The following MICAL2 variants were observed in gnomAD, a reference collection of about 807,000 sequenced individuals.
The protein encoded by MICAL2 is [F-actin]-monooxygenase MICAL2.
MICAL2 carries 77 observed loss-of-function variants against 127.3 expected under a neutral mutation model. The observed-to-expected ratio is 0.60, with a 90% CI of 0.50 to 0.73. The LOEUF is 0.73. Ranked by LOEUF, MICAL2 falls within the 30% of genes least tolerant of loss-of-function variation. The pLI is 0.00. For missense variants in MICAL2, 1,351 were observed against 1,434.4 expected, an observed-to-expected ratio of 0.94 and a Z score of 0.94; for synonymous variants, 570 against 551.1, an observed-to-expected ratio of 1.03 and a Z score of -0.48.
At chr11:12,258,325 C>T (rs924192832) in intron 24 of MICAL2, 143 bp from the exon 25 acceptor site, 15 of 648,122 alleles carry the variant, frequency 2.3e-5, no homozygotes, top group African/African-American at 1.6e-4. Flanking sequence ...TGACAGAAGC[C>T]GTTTCCCAAG....
intron 13 of MICAL2, chr11:12,225,873 A>T: frequency 2.5e-6 from 1 of 393,468 alleles, no homozygotes; most frequent in Admixed American, 4.0e-5. Context: ...AAAGTAAGGG[A>T]TATATTTAAA....
chr11:12,210,246 T>C (rs1444125825), intron 6 of MICAL2, among the ~76,000 whole-genome samples: 1 of 152,104 alleles, frequency 6.6e-6, no homozygotes, highest in Admixed American at 6.5e-5. Flanking sequence ...TGCCAGAAAA[T>C]GCTTCCGTCC....
chr11:12,255,502 T>C lies in MICAL2; in HGVS notation c.2848-141T>C, dbSNP rs566870349. 5.9e-5 allele frequency: 40 copies of C among 679,166 alleles called. No homozygotes were observed. In the East Asian group the frequency reaches 1.1e-3, roughly 19 times the overall value. 42.1% of individuals were successfully genotyped at this position (679,166 alleles called of 1,614,324 possible). A position where few individuals can be genotyped will look rare whatever the true frequency, so the allele number is the denominator to read the frequency against. ...ATCCCCGCGTTCTGCTCCTGGCTGG[T>C]TTTGCTTCTCCTGGGTCGTGGGGTG... On this transcript the variant is annotated intron_variant, in intron 22 of 27. Transcript: ENST00000683283.
downstream of MICAL2, chr11:12,292,137 T>A (rs1257627984): frequency 1.9e-6 from 3 of 1,612,978 alleles, no homozygotes; most frequent in South Asian, 3.3e-5. Flanking sequence ...GTTCTTTCCT[T>A]GGTAGGTTTG....
chr11:12,212,729 T>C lies in MICAL2; in HGVS notation c.692-526T>C, dbSNP rs112953609. Among the ~76,000 whole-genome samples, 312 of 139,736 alleles carry C rather than the reference T, an allele frequency of 2.2e-3. 2 individuals carry two copies. Among genetic ancestry groups the C allele is most frequent in the African/African-American group, 8.4e-3 (296 of 35,290 alleles). 91.7% of individuals were successfully genotyped at this position (139,736 alleles called of 152,430 possible). A position where few individuals can be genotyped will look rare whatever the true frequency, so the allele number is the denominator to read the frequency against. The stretch of plus-strand genomic sequence containing the variant: ...CATACTGAGGTACTGGGGTTAGGAT[T>C]TCAACACATGAATTTGTGTGTGTGT... On this transcript the variant is annotated intron_variant, in intron 6 of 27. Transcript: ENST00000683283.
chr11:12,265,397 T>C (rs1468636301), downstream of MICAL2, among the ~76,000 whole-genome samples: 2 of 152,224 alleles, frequency 1.3e-5, no homozygotes, highest in East Asian at 3.8e-4. Context: ...TAATTAAATA[T>C]TAAATGGAAT....
intron 3 of MICAL2, among the ~76,000 whole-genome samples, chr11:12,182,751 G>T (rs768151986): frequency 2.0e-5 from 3 of 152,146 alleles, no homozygotes; most frequent in Non-Finnish European, 2.9e-5. Context: ...GCAGTGAGAC[G>T]TTCAGACCCT....
intron 2 of MICAL2, among the ~76,000 whole-genome samples, chr11:12,283,982 T>C (rs1333571897): frequency 2.0e-5 from 3 of 152,198 alleles, no homozygotes; most frequent in Non-Finnish European, 4.4e-5. Context: ...GTGCCAAGTG[T>C]GTGCATTCTG....
chr11:12,123,192 T>C (rs551971361), intron 1 of MICAL2, among the ~76,000 whole-genome samples: 1 of 152,368 alleles, frequency 6.6e-6, no homozygotes, highest in African/African-American at 2.4e-5. Context: ...TTCTGAATTT[T>C]TTAAGATTTT....
chr11:12,342,489 G>T (rs1044329228), intron 32 of MICAL2, among the ~76,000 whole-genome samples: 6 of 152,332 alleles, frequency 3.9e-5, no homozygotes, highest in African/African-American at 1.2e-4. Context: ...CAAGGCAGGG[G>T]TTATACTCTA....
At chr11:12,133,293 G>C (rs1851571910) in intron 1 of MICAL2, among the ~76,000 whole-genome samples, 1 of 152,074 alleles carries the variant, frequency 6.6e-6, no homozygotes, top group African/African-American at 2.4e-5. Flanking sequence ...TGTTGGTCAG[G>C]CTGGTCTTGA....
intron 1 of MICAL2, among the ~76,000 whole-genome samples, chr11:12,127,467 A>AG (rs1851036410): frequency 6.6e-6 from 1 of 152,200 alleles, no homozygotes; most frequent in Non-Finnish European, 1.5e-5. Flanking sequence ...AATGCGTGGG[A>AG]GGCCAGGTGA....
intron 26 of MICAL2, chr11:12,261,415 C>G: frequency 1.0e-6 from 1 of 985,472 alleles, no homozygotes; most frequent in Non-Finnish European, 1.2e-6. Context: ...TGCAGGTCCA[C>G]CTGTGTTCTT....
chr11:12,335,550 T>C (rs1290974361), intron 32 of MICAL2, among the ~76,000 whole-genome samples: 1 of 152,132 alleles, frequency 6.6e-6, no homozygotes, highest in Non-Finnish European at 1.5e-5. Context: ...CTGAATAGTA[T>C]TGCCTAGGTT....
At chr11:12,171,233 A>G (rs2133876963) in intron 3 of MICAL2, among the ~76,000 whole-genome samples, 1 of 152,290 alleles carries the variant, frequency 6.6e-6, no homozygotes, top group Admixed American at 6.5e-5. Context: ...TCTTGGAGAA[A>G]AAAAGAAAAC....
chr11:12,167,231 C>CT (rs1229103549), intron 3 of MICAL2, among the ~76,000 whole-genome samples: 1 of 147,620 alleles, frequency 6.8e-6, no homozygotes, highest in Non-Finnish European at 1.5e-5. Context: ...CTCATGGACT[C>CT]TTGTCACCAG....
At chr11:12,310,752 G>A (rs1864164590) in intron 29 of MICAL2, among the ~76,000 whole-genome samples, 1 of 152,014 alleles carries the variant, frequency 6.6e-6, no homozygotes, top group South Asian at 2.1e-4. Context: ...TGAATCTGTA[G>A]ATGGCTTTGG....
intron 3 of MICAL2, among the ~76,000 whole-genome samples, chr11:12,198,937 A>T (rs1230185073): frequency 6.6e-6 from 1 of 152,148 alleles, no homozygotes; most frequent in East Asian, 1.9e-4. Flanking sequence ...CCTGAACCCC[A>T]GCTCCTTTCA....
At chr11:12,187,702 A>G (rs554906119) in intron 3 of MICAL2, among the ~76,000 whole-genome samples, 15 of 152,106 alleles carry the variant, frequency 9.9e-5, no homozygotes, top group African/African-American at 3.6e-4. Flanking sequence ...CCGAGAGTGG[A>G]TGAGTTGTCC....
Sources: allele counts gnomAD v4.1 joint callset (sites outside exome capture counted in the v4.1 genomes callset), GRCh38; gene constraint gnomAD v4.1.1; transcripts MANE v1.5; gene names NCBI Gene and HGNC (gene_info 2026-07-23, HGNC 2026-07-21).